The following STPG4 variants were observed in gnomAD, a reference collection of about 807,000 sequenced individuals.
STPG4 encodes sperm-tail PG-rich repeat containing 4, also known as protein STPG4.
STPG4 carries 41 observed loss-of-function variants against 31.5 expected under a neutral mutation model. That is an observed-to-expected ratio of 1.30 (90% CI 1.01 to 1.69). STPG4 has a LOEUF of 1.69. Ranked by LOEUF, STPG4 falls within the 40% of genes most tolerant of loss-of-function variation. The pLI, the probability that STPG4 is intolerant of heterozygous loss-of-function variation, is 0.00. For missense variants in STPG4, 375 were observed against 293.4 expected, an observed-to-expected ratio of 1.28 and a Z score of -2.03; for synonymous variants, 141 against 103.0, an observed-to-expected ratio of 1.37 and a Z score of -2.24.
At chr2:47,095,290 G>C (rs13389279) in intron 5 of STPG4, among the ~76,000 whole-genome samples, 37,225 of 152,048 alleles carry the variant, frequency 0.24, 4,642 homozygotes, top group Admixed American at 0.28. Flanking sequence ...GTCCAACATG[G>C]CTGGTGTCCT....
At chr2:47,117,344 G>A (rs192216631) in intron 5 of STPG4, among the ~76,000 whole-genome samples, 7 of 152,076 alleles carry the variant, frequency 4.6e-5, no homozygotes, top group Non-Finnish European at 1.0e-4. Flanking sequence ...CGAGTAGCTG[G>A]GATTAGAGGC....
At chr2:47,127,202 C>T (rs13427903) in intron 5 of STPG4, among the ~76,000 whole-genome samples, 1 of 126,836 alleles carries the variant, frequency 7.9e-6, no homozygotes, top group Non-Finnish European at 1.6e-5. Flanking sequence ...ATTCTTTTTT[C>T]TTTTGTCTCC....
At chr2:47,116,178 T>C (rs534763445) in intron 5 of STPG4, among the ~76,000 whole-genome samples, 62 of 152,338 alleles carry the variant, frequency 4.1e-4, no homozygotes, top group African/African-American at 1.4e-3. Flanking sequence ...ATGGTTTGAA[T>C]GCGTCCCCTC....
At chr2:47,105,515 A>G (rs1310786916) in intron 5 of STPG4, among the ~76,000 whole-genome samples, 1 of 152,054 alleles carries the variant, frequency 6.6e-6, no homozygotes, top group Non-Finnish European at 1.5e-5. Context: ...TTTCTCCCAG[A>G]GGATGGGGAA....
intron 5 of STPG4, among the ~76,000 whole-genome samples, chr2:47,098,765 A>G (rs1685729053): frequency 6.6e-6 from 1 of 151,318 alleles, no homozygotes; most frequent in African/African-American, 2.4e-5. Flanking sequence ...AGGAAAAAAA[A>G]AAAAAAGCCC....
chr2:47,151,039 C>T (rs941856039), intron 3 of STPG4, among the ~76,000 whole-genome samples: 1 of 151,976 alleles, frequency 6.6e-6, no homozygotes, highest in African/African-American at 2.4e-5. Context: ...AAACATTTCT[C>T]CCCATGTACT....
In STPG4 at chr2:47,107,968, T is replaced by C. The variant is rs914462628; in HGVS notation, c.520-17594A>G. 1.0e-3 allele frequency among the ~76,000 whole-genome samples: 155 copies of C among 150,366 alleles called. 2 individuals carry two copies. Among genetic ancestry groups the C allele is most frequent in the Non-Finnish European group, 1.4e-3 (93 of 67,628 alleles). On this transcript the variant is annotated intron_variant, in intron 5 of 6. Transcript: ENST00000445927. Reference sequence around the variant, plus strand: ...GGATTGTAAATACACCAATCGGCACTCTGTATCTAGCTCAAGGTTTGTAAA... The same window carrying C: ...GGATTGTAAATACACCAATCGGCACCCTGTATCTAGCTCAAGGTTTGTAAA...
chr2:47,097,642 G>A (rs1048094670), intron 5 of STPG4, among the ~76,000 whole-genome samples: 1 of 152,146 alleles, frequency 6.6e-6, no homozygotes, highest in Admixed American at 6.5e-5. Flanking sequence ...TGAGGAAGGG[G>A]CCCTCATCAG....
intron 5 of STPG4, among the ~76,000 whole-genome samples, chr2:47,101,047 A>G (rs1279690442): frequency 6.6e-6 from 1 of 151,882 alleles, no homozygotes; most frequent in Non-Finnish European, 1.5e-5. Flanking sequence ...CGGTGAGACC[A>G]TCGCCGAGCA....
At chr2:47,117,892 T>C (rs912637687) in intron 5 of STPG4, among the ~76,000 whole-genome samples, 2 of 151,500 alleles carry the variant, frequency 1.3e-5, no homozygotes, top group African/African-American at 4.9e-5. Context: ...CAGGGGGAAG[T>C]TGTCACTTTA....
intron 3 of STPG4, among the ~76,000 whole-genome samples, chr2:47,132,904 T>C (rs930551964): frequency 2.0e-5 from 3 of 152,182 alleles, no homozygotes; most frequent in Non-Finnish European, 4.4e-5. Context: ...AATGAAGTGC[T>C]CATGGAAAAA....
At chr2:47,135,743 A>G (rs191565121) in intron 3 of STPG4, among the ~76,000 whole-genome samples, 86 of 152,252 alleles carry the variant, frequency 5.6e-4, no homozygotes, top group Admixed American at 3.1e-3. Context: ...TGAAAAAACT[A>G]TCTTTTCTTT....
In STPG4 at chr2:47,151,499, C is replaced by T. The variant is rs141946204; in HGVS notation, c.158G>A (p.Gly53Asp). The T allele has an allele frequency of 6.8e-6, 11 of 1,613,624 alleles. No individual in the cohort carries two copies. In the African/African-American group the frequency reaches 1.2e-4, roughly 18 times the overall value. ...RIALTDTPIP[G>D]TYHLKTFIEE... ...AATAAAAGTTTTCAAGTGGTAAGTGCCAGGTATAGGAGTATCCTGTGGAAA... is the reference window on the plus strand; with the variant it reads ...AATAAAAGTTTTCAAGTGGTAAGTGTCAGGTATAGGAGTATCCTGTGGAAA... Residue 53 changes from glycine (G) to aspartate (D), a missense_variant, in exon 3 of 7, where the codon GGC becomes GAC. Gly to Asp is a moderately conservative substitution (Grantham distance 94). Transcript: ENST00000445927.
chr2:47,093,905 G>A (rs1433844233), intron 5 of STPG4, among the ~76,000 whole-genome samples: 5 of 152,242 alleles, frequency 3.3e-5, no homozygotes, highest in African/African-American at 1.2e-4. Flanking sequence ...GCCCTGCAAT[G>A]GCCGGGCAAC....
chr2:47,091,477 T>TC (rs1685568246), intron 5 of STPG4, among the ~76,000 whole-genome samples: 1 of 152,184 alleles, frequency 6.6e-6, no homozygotes, highest in Non-Finnish European at 1.5e-5. Flanking sequence ...ATCTTTTTTT[T>TC]CCCCTAGTAA....
rs979796749 is a variant in STPG4, at chr2:47,090,280, G to C, written c.614C>G (p.Pro205Arg). The change falls in exon 6 of 7, where the codon CCC (proline) becomes CGC (arginine). Residue 205 changes from proline (P) to arginine (R), a missense_variant. Physicochemically the swap from Pro to Arg is moderately radical, Grantham distance 103. Transcript: ENST00000445927. ...TTTCCGAATACTTACTGAACAGCTGGGCAAGAATCGAGGGACTCTGGATTG... is the reference window on the plus strand; with the variant it reads ...TTTCCGAATACTTACTGAACAGCTGCGCAAGAATCGAGGGACTCTGGATTG... ...CFQSRVPRFL[P>R]SCSKTPGPGA... is the part of the protein sequence containing the mutation. 1 of 1,550,546 alleles carries C rather than the reference G, an allele frequency of 6.4e-7. No individual in the cohort carries two copies. The highest frequency in any genetic ancestry group is 1.4e-5 in the African/African-American group (1 of 72,994).
chr2:47,153,662 A>G (rs547626814), intron 1 of STPG4, among the ~76,000 whole-genome samples: 1 of 152,024 alleles, frequency 6.6e-6, no homozygotes, highest in African/African-American at 2.4e-5. Flanking sequence ...TGTAATCCCT[A>G]CTCATGAGGC....
At chr2:47,101,440 C>A (rs867569257) in intron 5 of STPG4, among the ~76,000 whole-genome samples, 4 of 151,880 alleles carry the variant, frequency 2.6e-5, no homozygotes, top group Non-Finnish European at 4.4e-5. Flanking sequence ...ACCCATCTAT[C>A]CTATCTATCC....
rs187618842 is a variant in STPG4, at chr2:47,146,341, C to G, written c.399+4917G>C. Among the ~76,000 whole-genome samples the G allele has an allele frequency of 4.8e-3, 738 of 152,198 alleles. 19 individuals carry two copies. The highest frequency in any genetic ancestry group is 6.0e-3 in the East Asian group (31 of 5,190). On this transcript the variant is annotated intron_variant, in intron 3 of 6. Transcript: ENST00000445927. ...TGCTACAATGCACAGAACAGCCCCC[C>G]GCCCCACCCAACCACAACAAAGATT...
Sources: allele counts gnomAD v4.1 joint callset (sites outside exome capture counted in the v4.1 genomes callset), GRCh38; gene constraint gnomAD v4.1.1; transcripts MANE v1.5; gene names NCBI Gene and HGNC (gene_info 2026-07-23, HGNC 2026-07-21).